The following PLA2G4C variants were observed in gnomAD, a reference collection of about 807,000 sequenced individuals.
PLA2G4C encodes the protein phospholipase A2 group IVC, also known as cytosolic phospholipase A2 gamma.
Under a neutral mutation model 73.8 loss-of-function variants are expected in PLA2G4C, and 64 were observed. The ratio of observed to expected loss-of-function variants is 0.87; its 90% CI spans 0.71 to 1.07. The LOEUF (loss-of-function observed/expected upper bound fraction) is 1.07. Ranked by LOEUF, PLA2G4C falls within the 50% of genes least tolerant of loss-of-function variation. The pLI, the probability that PLA2G4C is intolerant of heterozygous loss-of-function variation, is 0.00. For synonymous variants in PLA2G4C, 254 were observed against 252.1 expected, an observed-to-expected ratio of 1.01 and a Z score of -0.07; for missense variants, 622 against 665.4, an observed-to-expected ratio of 0.93 and a Z score of 0.72.
chr19:48,080,974 C>G (rs1194497202), intron 10 of PLA2G4C, among the ~76,000 whole-genome samples: 5 of 140,086 alleles, frequency 3.6e-5, no homozygotes, highest in African/African-American at 1.3e-4. Flanking sequence ...CTGGCTAACA[C>G]CGGTCTCTAC....
intron 11 of PLA2G4C, among the ~76,000 whole-genome samples, chr19:48,075,331 G>A (rs1181320660): frequency 2.0e-5 from 3 of 151,442 alleles, no homozygotes; most frequent in Non-Finnish European, 4.4e-5. Context: ...CTACAGGCAC[G>A]CACCACCACC....
chr19:48,048,597 T>C (rs1967608415), intron 16 of PLA2G4C, among the ~76,000 whole-genome samples: 1 of 152,208 alleles, frequency 6.6e-6, no homozygotes, highest in Non-Finnish European at 1.5e-5. Flanking sequence ...CGTAAACGTT[T>C]ATTTATCCAA....
chr19:48,048,362 C>T lies in PLA2G4C; in HGVS notation c.1607G>A (p.Arg536Gln), dbSNP rs114852075. 416 of 1,596,734 alleles carry T rather than the reference C, an allele frequency of 2.6e-4. 2 individuals carry two copies. In the African/African-American group the frequency reaches 4.6e-3, roughly 18 times the overall value. Reference sequence around the variant, plus strand: ...GCTCATCTATGCCAAGCAGCAACTTCGGGCACTATCCTTCGGGTAGTAGAG... The same window carrying T: ...GCTCATCTATGCCAAGCAGCAACTTTGGGCACTATCCTTCGGGTAGTAGAG... ...AGLYYPKDSA[R>Q]SCCLA The change falls in exon 17 of 17, where the codon CGA (arginine) becomes CAA (glutamine). Residue 536 changes from arginine to glutamine, a missense_variant. Arg to Gln is a conservative substitution (Grantham distance 43, BLOSUM62 1). Transcript: ENST00000599921.
intron 16 of PLA2G4C, 75 bp from the exon 17 acceptor site, chr19:48,048,463 C>A (rs1202644262): frequency 1.0e-6 from 1 of 1,002,816 alleles, no homozygotes; most frequent in South Asian, 1.7e-5. Context: ...GATTAGAAGA[C>A]CTGGAAGCCT....
At chr19:48,100,620 A>AG (rs1555754550) in intron 4 of PLA2G4C, among the ~76,000 whole-genome samples, 13 of 146,008 alleles carry the variant, frequency 8.9e-5, no homozygotes, top group African/African-American at 3.1e-4. Flanking sequence ...AAAAAAAAAA[A>AG]AAAAAAAAGC....
At chr19:48,068,930 G>C (rs555051734) in intron 12 of PLA2G4C, among the ~76,000 whole-genome samples, 46 of 151,598 alleles carry the variant, frequency 3.0e-4, no homozygotes, top group African/African-American at 1.1e-3. Context: ...AGAAAATAAG[G>C]CTGGGCACAG....
At chr19:48,097,248 T>G (rs200754944) in intron 6 of PLA2G4C, 1 of 117,414 alleles carries the variant, frequency 8.5e-6, no homozygotes, top group African/African-American at 3.7e-5. Context: ...TTTTTTCTTT[T>G]TTCTTTTTTT....
intron 5 of PLA2G4C, 41 bp from the exon 6 acceptor site, chr19:48,098,300 G>A (rs1407024694): frequency 1.9e-6 from 3 of 1,571,990 alleles, no homozygotes; most frequent in Non-Finnish European, 8.6e-7. Context: ...GGAGGCATGT[G>A]GGTCCCACAG....
intron 11 of PLA2G4C, among the ~76,000 whole-genome samples, chr19:48,076,744 AAAAAAAAAAAAG>A (rs990230611): frequency 2.2e-5 from 3 of 135,342 alleles, no homozygotes; most frequent in African/African-American, 3.2e-5. Context: ...CTCTGTCTCC[AAAAAAAAAAAAG>A]AAAAAAGAAA....
chr19:48,101,216 C>G (rs6509359), intron 4 of PLA2G4C, among the ~76,000 whole-genome samples: 20,750 of 149,340 alleles, frequency 0.14, 1,549 homozygotes, highest in African/African-American at 0.19. Context: ...TCTCAAACCC[C>G]CAGGCTCAAA....
chr19:48,065,864 G>C (rs1234780158), intron 13 of PLA2G4C, among the ~76,000 whole-genome samples: 1 of 152,040 alleles, frequency 6.6e-6, no homozygotes, highest in Non-Finnish European at 1.5e-5. Context: ...GGGAGGCCAA[G>C]GTGGGTAGAT....
At chr19:48,101,333 C>T (rs981654636) in intron 4 of PLA2G4C, among the ~76,000 whole-genome samples, 1 of 151,350 alleles carries the variant, frequency 6.6e-6, no homozygotes, top group Non-Finnish European at 1.5e-5. Context: ...TGGAGTCTCA[C>T]TATGTTGCCC....
Position 48,104,690 on chromosome 19 carries a change from C to T in PLA2G4C, c.155G>A (p.Gly52Glu). 2 of 1,614,084 alleles carry T rather than the reference C, an allele frequency of 1.2e-6. No homozygotes were observed. Among genetic ancestry groups the T allele is most frequent in the Non-Finnish European group, 8.5e-7 (1 of 1,179,998 alleles). ...PVVAVLGSGG[G>E]LRAHIACLGV... ...AAGGCAGGCAATGTGAGCCCGCAGT[C>T]CTCCGCCTGAGCCCAGCACAGCAAC... Residue 52 changes from glycine (G) to glutamate (E), a missense_variant, in exon 4 of 17, where the codon GGA (glycine) becomes GAA (glutamate). Transcript: ENST00000599921.
At chr19:48,050,544 T>C (rs973633177) in intron 16 of PLA2G4C, among the ~76,000 whole-genome samples, 1 of 152,114 alleles carries the variant, frequency 6.6e-6, no homozygotes, top group African/African-American at 2.4e-5. Context: ...CTTCCCACCA[T>C]ATTCAGAATA....
At position 48,110,531 on chromosome 19, in the gene PLA2G4C, T is replaced by TGCTCCGGAATCCCGTGCGGAGGCTTGG; in HGVS notation, c.-78_-77insCCAAGCCTCCGCACGGGATTCCGGAGC. ...GTGTGCGCATGCGCGGTGGAGCTTG[T>TGCTCCGGAATCCCGTGCGGAGGCTTGG]GCTCCGGAATCCGGTGCGGAGGCTT... is the stretch of plus-strand genomic sequence containing the variant. On this transcript the variant is annotated 5_prime_UTR_variant, in exon 1 of 17. Transcript: ENST00000599921. The TGCTCCGGAATCCCGTGCGGAGGCTTGG allele has an allele frequency of 2.2e-6, 3 of 1,386,158 alleles. No homozygotes were observed. The highest frequency in any genetic ancestry group is 9.5e-7 in the Non-Finnish European group (1 of 1,049,482). The allele number at this position is 1,386,158 out of a possible 1,614,324, so 85.9% of individuals were successfully genotyped here. A position where few individuals can be genotyped will look rare whatever the true frequency, so the allele number is the denominator to read the frequency against.
intron 1 of PLA2G4C, among the ~76,000 whole-genome samples, chr19:48,107,667 C>T (rs1452309745): frequency 6.6e-6 from 1 of 152,076 alleles, no homozygotes; most frequent in Non-Finnish European, 1.5e-5. Flanking sequence ...CTGTGGAGGG[C>T]CTGAGTGATG....
intron 6 of PLA2G4C, among the ~76,000 whole-genome samples, chr19:48,096,129 G>A (rs1047902934): frequency 6.6e-6 from 1 of 152,066 alleles, no homozygotes; most frequent in Non-Finnish European, 1.5e-5. Flanking sequence ...TGGGAGACCT[G>A]GTCTGGGGAT....
intron 12 of PLA2G4C, among the ~76,000 whole-genome samples, chr19:48,071,214 A>G (rs1472433050): frequency 6.6e-6 from 1 of 152,186 alleles, no homozygotes; most frequent in East Asian, 1.9e-4. Flanking sequence ...AGAAAAGCAA[A>G]TCACACCTAC....
At chr19:48,067,021 T>A (rs1968455471) in intron 13 of PLA2G4C, among the ~76,000 whole-genome samples, 2 of 151,574 alleles carry the variant, frequency 1.3e-5, no homozygotes, top group Admixed American at 1.3e-4. Context: ...GGGATTGGCA[T>A]GGTCATAGGA....
Sources: allele counts gnomAD v4.1 joint callset (sites outside exome capture counted in the v4.1 genomes callset), GRCh38; gene constraint gnomAD v4.1.1; transcripts MANE v1.5; gene names NCBI Gene and HGNC (gene_info 2026-07-23, HGNC 2026-07-21).